ZNF423: variants seen among roughly 807,000 people sequenced by gnomAD.
ZNF423 encodes zinc finger protein 423, also known as Ebf-associated zinc finger protein.
ZNF423 carries 12 observed loss-of-function variants against 95.8 expected under a neutral mutation model. The ratio of observed to expected loss-of-function variants is 0.13; its 90% CI spans 0.08 to 0.20. The LOEUF (loss-of-function observed/expected upper bound fraction) is 0.20. ZNF423 is among the 10% of genes least tolerant of loss of function. The pLI is 1.00. For synonymous variants in ZNF423, 749 were observed against 711.9 expected, an observed-to-expected ratio of 1.05 and a Z score of -0.83; for missense variants, 1,316 against 1,737.1, an observed-to-expected ratio of 0.76 and a Z score of 4.31.
At chr16:49,772,106 G>A (rs1238518196) in intron 2 of ZNF423, among the ~76,000 whole-genome samples, 1 of 152,202 alleles carries the variant, frequency 6.6e-6, no homozygotes, top group Admixed American at 6.5e-5. Flanking sequence ...CAGGAAAGCC[G>A]ATGCTGCAGT....
intron 7 of ZNF423, among the ~76,000 whole-genome samples, chr16:49,502,539 G>C (rs1405567169): frequency 6.6e-6 from 1 of 151,892 alleles, no homozygotes; most frequent in African/African-American, 2.4e-5. Flanking sequence ...TATCTGGAGA[G>C]ACAAGCGCCA....
At chr16:49,505,317 G>T (rs1967586126) in intron 7 of ZNF423, among the ~76,000 whole-genome samples, 1 of 152,148 alleles carries the variant, frequency 6.6e-6, no homozygotes, top group African/African-American at 2.4e-5. Flanking sequence ...AGTGCTTTTA[G>T]GATTTGCAAA....
At chr16:49,502,790 G>GACACACAC (rs72202996) in intron 7 of ZNF423, among the ~76,000 whole-genome samples, 2 of 135,350 alleles carry the variant, frequency 1.5e-5, no homozygotes, top group African/African-American at 5.9e-5. Flanking sequence ...AAATACTCTA[G>GACACACAC]ACACACACAC....
intron 3 of ZNF423, among the ~76,000 whole-genome samples, chr16:49,700,097 G>A (rs955743402): frequency 1.3e-5 from 2 of 150,604 alleles, no homozygotes; most frequent in African/African-American, 4.9e-5. Flanking sequence ...TCAGGCAGAA[G>A]AGGGTGGCTT....
At chr16:49,491,629 A>C (rs1297754134) in intron 7 of ZNF423, among the ~76,000 whole-genome samples, 1 of 132,148 alleles carries the variant, frequency 7.6e-6, no homozygotes, top group African/African-American at 2.9e-5. Context: ...GCCGGGGAGG[A>C]GGCAGGAATT....
intron 6 of ZNF423, 69 bp from the exon 7 acceptor site, chr16:49,523,808 C>G: frequency 7.8e-7 from 1 of 1,285,168 alleles, no homozygotes; most frequent in East Asian, 2.3e-5. Flanking sequence ...CAGCTGCCCC[C>G]ACAACACTCG....
At chr16:49,590,825 G>C (rs550656469) in intron 5 of ZNF423, among the ~76,000 whole-genome samples, 51 of 152,332 alleles carry the variant, frequency 3.3e-4, no homozygotes, top group African/African-American at 1.2e-3. Context: ...CTGGGCTCCA[G>C]CCGGCCCGGT....
intron 1 of ZNF423, among the ~76,000 whole-genome samples, chr16:49,814,146 A>T (rs1210609331): frequency 6.6e-6 from 1 of 150,954 alleles, no homozygotes; most frequent in Non-Finnish European, 1.5e-5. Flanking sequence ...GGCTTCGGAG[A>T]CAGAAGGCCC....
At position 49,638,255 on chromosome 16, in the gene ZNF423, G is replaced by A. The variant is rs951850068; in HGVS notation, c.921C>T (p.His307=). The change falls in exon 4 of 8, where the codon CAC becomes CAT. Residue 307 remains histidine, a synonymous_variant. Transcript: ENST00000563137. The surrounding 1 kb of genome is among the most constrained non-coding windows in gnomAD (Gnocchi z 5.6). ...LSEKADLQCI[H]CPEVFVDENT... is the part of the protein sequence containing the mutation. The stretch of plus-strand genomic sequence containing the variant: ...TCTCGTCGACGAAGACCTCAGGGCA[G>A]TGAATGCACTGCAGGTCCGCCTTCT... 1.2e-6 allele frequency: 2 copies of A among 1,612,288 alleles called. No homozygotes were observed. The highest frequency in any genetic ancestry group is 1.7e-5 in the Admixed American group (1 of 60,014).
At chr16:49,793,912 C>T (rs1051873620) in intron 1 of ZNF423, among the ~76,000 whole-genome samples, 1 of 152,232 alleles carries the variant, frequency 6.6e-6, no homozygotes, top group Non-Finnish European at 1.5e-5. Context: ...CCCCTCTGCA[C>T]ACTGGGAGGG....
At position 49,631,626 on chromosome 16, in the gene ZNF423, G is replaced by A. The variant is rs545193845; in HGVS notation, c.3516+4034C>T. On this transcript the variant is annotated intron_variant, in intron 4 of 7. Transcript: ENST00000563137. The stretch of plus-strand genomic sequence containing the variant: ...CTGAGCAACTGCAGAGGGGGGCCCC[G>A]GGCAGGAAGAAAACACACTTGAGAA... 8.5e-5 allele frequency among the ~76,000 whole-genome samples: 13 copies of A among 152,310 alleles called. No individual in the cohort carries two copies. In the East Asian group the frequency reaches 1.4e-3, roughly 16 times the overall value.
chr16:49,589,257 C>T (rs1970933667), intron 5 of ZNF423, among the ~76,000 whole-genome samples: 1 of 152,184 alleles, frequency 6.6e-6, no homozygotes, highest in Non-Finnish European at 1.5e-5. Context: ...CCTACCCAAC[C>T]AAAATCAGAC....
intron 2 of ZNF423, among the ~76,000 whole-genome samples, chr16:49,777,036 T>C (rs1434238679): frequency 6.6e-6 from 1 of 152,042 alleles, no homozygotes; most frequent in East Asian, 1.9e-4. Flanking sequence ...TATGGGTATG[T>C]TGGCAGTGTG....
intron 1 of ZNF423, among the ~76,000 whole-genome samples, chr16:49,797,713 T>A (rs929208893): frequency 5.9e-5 from 9 of 152,186 alleles, no homozygotes; most frequent in Non-Finnish European, 1.2e-4. Context: ...TTTGTTTAAC[T>A]CCCGTGATTC....
At chr16:49,834,568 C>T (rs1357144534) in intron 1 of ZNF423, among the ~76,000 whole-genome samples, 1 of 152,110 alleles carries the variant, frequency 6.6e-6, no homozygotes, top group African/African-American at 2.4e-5. Context: ...GCCAAGGAGG[C>T]GGTGGTAGGA....
intron 3 of ZNF423, among the ~76,000 whole-genome samples, chr16:49,646,680 C>T (rs932229488): frequency 4.0e-5 from 6 of 151,392 alleles, no homozygotes; most frequent in African/African-American, 1.5e-4. Flanking sequence ...AAGCAATTCT[C>T]TGCCTCGGTA....
At chr16:49,529,002 T>C (rs60774290) in intron 5 of ZNF423, among the ~76,000 whole-genome samples, 8,845 of 151,766 alleles carry the variant, frequency 0.058, 408 homozygotes, top group African/African-American at 0.13. Context: ...GATCGCACAG[T>C]GCTCGGCCGA....
At chr16:49,524,287 C>T (rs914878411) in intron 6 of ZNF423, among the ~76,000 whole-genome samples, 3 of 152,218 alleles carry the variant, frequency 2.0e-5, no homozygotes, top group African/African-American at 7.2e-5. Context: ...TAAATAAGCT[C>T]AGCACAGGGT....
intron 2 of ZNF423, among the ~76,000 whole-genome samples, chr16:49,776,299 C>T (rs1166975073): frequency 6.6e-6 from 1 of 152,192 alleles, no homozygotes; most frequent in East Asian, 1.9e-4. Flanking sequence ...CTCTGGCCTG[C>T]GAGGGCCAGC....
Sources: gnomAD v4.1 joint callset for allele counts (sites outside exome capture counted in the v4.1 genomes callset) on GRCh38, gnomAD v4.1.1 for gene constraint, Gnocchi (gnomAD v3.1) non-coding constraint, MANE v1.5 for transcripts, NCBI Gene and HGNC (gene_info 2026-07-23, HGNC 2026-07-21) for gene names.